Variants in GAS7 observed in about 807,000 individuals in gnomAD.
GAS7 encodes growth arrest-specific protein 7.
Under a neutral mutation model 71.1 loss-of-function variants are expected in GAS7, and 28 were observed. That is an observed-to-expected ratio of 0.39 (90% CI 0.29 to 0.54). The LOEUF is 0.54. Among genes scored for constraint, GAS7 ranks in the 20% least tolerant of loss-of-function variants. The probability of loss-of-function intolerance (pLI) is 0.62; values close to 1 mark genes in which losing one functional copy is unlikely to be tolerated. For missense variants in GAS7, 436 were observed against 627.8 expected (o/e 0.69, Z 3.27); for synonymous variants, 258 against 245.8 (o/e 1.05, Z -0.46).
rs1021714450 is a variant in GAS7, at chr17:9,945,560, G to A, written c.615+1334C>T. 3.3e-5 allele frequency among the ~76,000 whole-genome samples: 5 copies of A among 152,040 alleles called. No homozygotes were observed. In the East Asian group the frequency reaches 9.6e-4, roughly 29 times the overall value. ...CAGCACAGCTGGAGCTACAGAAATT[G>A]TGCCTTGGTGAGAGGTGTAGGCAAC... On this transcript the variant is annotated intron_variant, in intron 6 of 13. Coordinates refer to ENST00000432992, the MANE Select transcript of GAS7 (RefSeq NM_201433.2).
intron 1 of GAS7, among the ~76,000 whole-genome samples, chr17:10,165,352 G>A (rs2074286583): frequency 6.7e-6 from 1 of 149,988 alleles, no homozygotes; most frequent in Non-Finnish European, 1.5e-5. Context: ...CCCTAGAGAT[G>A]TACCATGATT....
rs1285933988 is a variant in GAS7 at position 9,911,593 on chromosome 17, C to T, written c.*5635G>A. ...TGGTTTTTGCCCTCTGTCTGATTCT[C>T]GCTCTAACCTGCTGCAATGGGAATT... On this transcript the variant is annotated 3_prime_UTR_variant, in exon 14 of 14. Transcript: ENST00000432992. This position sits in a 1 kb window ranked among gnomAD's most constrained non-coding sequence, Gnocchi z 4.0. 3.0e-5 allele frequency: 7 copies of T among 233,092 alleles called. No homozygotes were observed. The highest frequency in any genetic ancestry group is 4.4e-5 in the African/African-American group (2 of 45,434). 14.4% of individuals were successfully genotyped at this position (233,092 alleles called of 1,614,324 possible). A position where few individuals can be genotyped will look rare whatever the true frequency, so the allele number is the denominator to read the frequency against.
intron 2 of GAS7, among the ~76,000 whole-genome samples, chr17:10,005,160 T>TGC (rs2071447284): frequency 6.7e-5 from 5 of 74,494 alleles, no homozygotes; most frequent in African/African-American, 1.4e-4. Flanking sequence ...CATGCATGTG[T>TGC]GTGCGCACGC....
intron 1 of GAS7, among the ~76,000 whole-genome samples, chr17:10,181,218 G>T (rs990340982): frequency 4.0e-5 from 6 of 151,172 alleles, no homozygotes; most frequent in African/African-American, 1.5e-4. Flanking sequence ...AAATTAGCTG[G>T]GCGTGGTGGT....
chr17:10,189,338 C>T (rs1469221746), intron 1 of GAS7, among the ~76,000 whole-genome samples: 1 of 152,168 alleles, frequency 6.6e-6, no homozygotes, highest in Non-Finnish European at 1.5e-5. Context: ...AACTGGTCTC[C>T]TTGCCTCCCC....
chr17:10,034,684 T>G lies in GAS7; in HGVS notation c.184-14787A>C, dbSNP rs1438839631. The stretch of plus-strand genomic sequence containing the variant: ...TTTAATAGGAGAAAAAAAGTCACAT[T>G]CAAGTGTAGACATGGGCATCATGTC... On this transcript the variant is annotated intron_variant, in intron 1 of 13. Coordinates refer to ENST00000432992, the MANE Select transcript of GAS7 (RefSeq NM_201433.2). This position sits in a 1 kb window ranked among gnomAD's most constrained non-coding sequence, Gnocchi z 4.4. Among the ~76,000 whole-genome samples, 1 of 152,172 alleles carries G rather than the reference T, an allele frequency of 6.6e-6. No homozygotes were observed. The highest frequency in any genetic ancestry group is 1.5e-5 in the Non-Finnish European group (1 of 68,032).
intron 1 of GAS7, among the ~76,000 whole-genome samples, chr17:10,092,485 C>T (rs934142071): frequency 3.3e-5 from 5 of 152,194 alleles, no homozygotes; most frequent in Admixed American, 3.3e-4. Flanking sequence ...GAATGAATGT[C>T]CATGCAGATG....
intron 1 of GAS7, among the ~76,000 whole-genome samples, chr17:10,059,070 C>T (rs942218191): frequency 2.6e-5 from 4 of 152,204 alleles, no homozygotes; most frequent in South Asian, 2.1e-4. Flanking sequence ...TGACAGAATG[C>T]GCACAAACGT....
intron 2 of GAS7, among the ~76,000 whole-genome samples, chr17:9,997,896 G>C (rs1322778821): frequency 6.6e-6 from 1 of 152,234 alleles, no homozygotes; most frequent in Non-Finnish European, 1.5e-5. Context: ...GCCAGGGATG[G>C]GGGAAGGGGC....
chr17:10,080,657 A>C (rs1186570348), intron 1 of GAS7, among the ~76,000 whole-genome samples: 2 of 152,204 alleles, frequency 1.3e-5, no homozygotes, highest in East Asian at 1.9e-4. Context: ...TAGGAAGCCC[A>C]ATATTACCAA....
At chr17:9,935,108 C>T (rs1296999296) in intron 8 of GAS7, among the ~76,000 whole-genome samples, 4 of 152,172 alleles carry the variant, frequency 2.6e-5, no homozygotes, top group Non-Finnish European at 5.9e-5. Flanking sequence ...AAACCCAGCT[C>T]CTTGGCTTCC....
At chr17:10,015,640 C>T (rs2071964402) in intron 2 of GAS7, among the ~76,000 whole-genome samples, 1 of 152,192 alleles carries the variant, frequency 6.6e-6, no homozygotes. Flanking sequence ...CCAAACAAAA[C>T]AAGTCTAAGA....
chr17:10,190,565 G>A (rs1014596433), intron 1 of GAS7, among the ~76,000 whole-genome samples: 1 of 149,256 alleles, frequency 6.7e-6, no homozygotes, highest in African/African-American at 2.5e-5. Context: ...GAGCGACAGA[G>A]CAAGACTCCG....
At chr17:10,126,451 C>T (rs547305616) in intron 1 of GAS7, among the ~76,000 whole-genome samples, 14 of 151,404 alleles carry the variant, frequency 9.2e-5, no homozygotes, top group South Asian at 8.4e-4. Context: ...CACGCGCGCG[C>T]GCACACGCAC....
chr17:9,991,423 T>C (rs2070838980), intron 2 of GAS7, among the ~76,000 whole-genome samples: 1 of 152,194 alleles, frequency 6.6e-6, no homozygotes, highest in Non-Finnish European at 1.5e-5. Context: ...CCTGTGCCCA[T>C]TTCACAGATG....
At position 9,984,617 on chromosome 17, in the gene GAS7, C is replaced by T. The variant is rs150337416; in HGVS notation, c.305-2733G>A. Among the ~76,000 whole-genome samples, 196 of 152,284 alleles carry T rather than the reference C, an allele frequency of 1.3e-3. 1 individual carries two copies. The highest frequency in any genetic ancestry group is 1.8e-3 in the Non-Finnish European group (125 of 68,024). Reference sequence around the variant, plus strand: ...AGACCACTGCCCTGCTTAGGGCCCACGTCATAAGCCATTCATACGCTGAGT... The same window carrying T: ...AGACCACTGCCCTGCTTAGGGCCCATGTCATAAGCCATTCATACGCTGAGT... On this transcript the variant is annotated intron_variant, in intron 2 of 13. Coordinates refer to ENST00000432992, the MANE Select transcript of GAS7 (RefSeq NM_201433.2).
chr17:9,924,143 AAATATTTTGCCATGTACC>A (rs2067913700), intron 11 of GAS7, among the ~76,000 whole-genome samples: 1 of 152,222 alleles, frequency 6.6e-6, no homozygotes, highest in African/African-American at 2.4e-5. Flanking sequence ...CTGCTGATTA[AAATATTTTGCCATGTACC>A]AATACTGTTT....
rs139639592 is a variant in GAS7 at position 9,974,862 on chromosome 17, C to T, written c.386-5100G>A. 2.2e-3 allele frequency among the ~76,000 whole-genome samples: 331 copies of T among 152,288 alleles called. 1 individual carries two copies. Among genetic ancestry groups the T allele is most frequent in the South Asian group, 8.7e-3 (42 of 4,828 alleles). ...CCAGGGCTCACCCCCACCCACAGCT[C>T]GGCTTCCATATCTCAGTACCGATCC... is the stretch of plus-strand genomic sequence containing the variant. On this transcript the variant is annotated intron_variant, in intron 3 of 13. Coordinates refer to ENST00000432992, the MANE Select transcript of GAS7 (RefSeq NM_201433.2). This position sits in a 1 kb window ranked among gnomAD's most constrained non-coding sequence, Gnocchi z 4.0.
intron 1 of GAS7, among the ~76,000 whole-genome samples, chr17:10,123,102 G>A (rs1283970622): frequency 1.3e-5 from 2 of 152,188 alleles, no homozygotes; most frequent in Non-Finnish European, 2.9e-5. Context: ...CAAAGTGCTG[G>A]GATTCCAGGC....
Sources: gnomAD v4.1 joint callset for allele counts (sites outside exome capture counted in the v4.1 genomes callset) on GRCh38, gnomAD v4.1.1 for gene constraint, Gnocchi (gnomAD v3.1) non-coding constraint, MANE v1.5 for transcripts, NCBI Gene and HGNC (gene_info 2026-07-23, HGNC 2026-07-21) for gene names.